The following ACAD9 variants were observed in gnomAD, a reference collection of about 807,000 sequenced individuals.
ACAD9 encodes the protein complex I assembly factor ACAD9, mitochondrial.
In ACAD9, 53 loss-of-function variants were observed where a neutral mutation model predicts 70.2. That is an observed-to-expected ratio of 0.75 (90% CI 0.61 to 0.95). ACAD9 has a LOEUF of 0.95. ACAD9 is among the 40% of genes least tolerant of loss of function. The probability of loss-of-function intolerance (pLI) is 0.00; values close to 1 mark genes in which losing one functional copy is unlikely to be tolerated. For synonymous variants in ACAD9, 313 were observed against 312.1 expected, an observed-to-expected ratio of 1.00 and a Z score of -0.03; for missense variants, 777 against 802.8, an observed-to-expected ratio of 0.97 and a Z score of 0.39.
intron 2 of ACAD9, among the ~76,000 whole-genome samples, chr3:128,886,436 C>T (rs1322469950): frequency 6.6e-6 from 1 of 151,168 alleles, no homozygotes; most frequent in African/African-American, 2.4e-5. Context: ...AGGCCAGGCG[C>T]GGTGGCTCAC....
chr3:128,879,671 G>A lies in ACAD9; in HGVS notation c.-21G>A, dbSNP rs770961168. On this transcript the variant is annotated 5_prime_UTR_variant, in exon 1 of 18. Transcript: ENST00000308982. ...GCTAAGAAGGGGAGACTGAGGCTGAGGCTGGGGAACATCGGGCAGCATGAG... is the reference window on the plus strand; with the variant it reads ...GCTAAGAAGGGGAGACTGAGGCTGAAGCTGGGGAACATCGGGCAGCATGAG... The A allele has an allele frequency of 6.2e-7, 1 of 1,611,976 alleles. No individual in the cohort carries two copies. Among genetic ancestry groups the A allele is most frequent in the African/African-American group, 1.3e-5 (1 of 74,998 alleles).
chr3:128,887,065 A>G (rs552163090), intron 2 of ACAD9, among the ~76,000 whole-genome samples: 65 of 150,764 alleles, frequency 4.3e-4, no homozygotes, highest in African/African-American at 1.5e-3. Flanking sequence ...AGCTGGAATT[A>G]TAGCACGCAC....
At chr3:128,911,777 A>T (rs960602121) in intron 17 of ACAD9, among the ~76,000 whole-genome samples, 1 of 152,214 alleles carries the variant, frequency 6.6e-6, no homozygotes, top group African/African-American at 2.4e-5. Flanking sequence ...GGGAAGGCTC[A>T]CGAAGGGAGG....
At chr3:128,903,526 G>C (rs927058654) in intron 9 of ACAD9, among the ~76,000 whole-genome samples, 3 of 152,168 alleles carry the variant, frequency 2.0e-5, no homozygotes, top group African/African-American at 7.2e-5. Flanking sequence ...CGGGGCGGGG[G>C]TGCTTCTGCC....
At chr3:128,910,253 G>A (rs776597338) in intron 16 of ACAD9, 104 bp downstream of exon 16, 175 of 1,567,992 alleles carry the variant, frequency 1.1e-4, no homozygotes, top group Non-Finnish European at 1.5e-4. Context: ...TGTGGGGGAG[G>A]CTGTGCAGGT....
chr3:128,913,111 G>A lies in ACAD9; in HGVS notation c.*504G>A, dbSNP rs549991044. 1.7e-4 allele frequency: 76 copies of A among 448,382 alleles called. No individual in the cohort carries two copies. The highest frequency in any genetic ancestry group is 7.0e-4 in the Middle Eastern group (1 of 1,422). The allele number at this position is 448,382 out of a possible 1,614,324, so 27.8% of individuals were successfully genotyped here. On this transcript the variant is annotated 3_prime_UTR_variant, in exon 18 of 18. Transcript: ENST00000308982. ...TATAAAATGTCACAATCTGTGTACT[G>A]TTAGCCTTTGCTGTACTTGTCACAC...
At chr3:128,895,199 A>G (rs1349283323) in intron 3 of ACAD9, 111 bp from the exon 4 acceptor site, 1 of 827,548 alleles carries the variant, frequency 1.2e-6, no homozygotes. Flanking sequence ...TTTTTTTTTA[A>G]TATGGTGATC....
At chr3:128,894,164 CAT>C (rs939480847) in intron 3 of ACAD9, among the ~76,000 whole-genome samples, 1 of 152,160 alleles carries the variant, frequency 6.6e-6, no homozygotes, top group Non-Finnish European at 1.5e-5. Context: ...ACATGTGTGC[CAT>C]TTGTGTTTAC....
chr3:128,885,730 T>TG (rs1935225385), intron 2 of ACAD9, among the ~76,000 whole-genome samples: 2 of 149,974 alleles, frequency 1.3e-5, no homozygotes, highest in Admixed American at 6.7e-5. Flanking sequence ...TAAAATATAC[T>TG]GTGGGGCTGG....
intron 3 of ACAD9, 43 bp downstream of exon 3, chr3:128,893,699 A>T (rs753866503): frequency 6.6e-7 from 1 of 1,519,960 alleles, no homozygotes; most frequent in African/African-American, 1.4e-5. Flanking sequence ...AGCTCTTAAG[A>T]AAGCACTCTG....
chr3:128,898,335 GT>G (rs369314116), intron 6 of ACAD9: 15 of 425,722 alleles, frequency 3.5e-5, no homozygotes, highest in East Asian at 1.5e-4. Context: ...AAAGACAGGA[GT>G]TTTTTTTGTT....
chr3:128,890,338 G>C (rs1450585809), intron 2 of ACAD9, among the ~76,000 whole-genome samples: 1 of 151,988 alleles, frequency 6.6e-6, no homozygotes, highest in Non-Finnish European at 1.5e-5. Context: ...TGCCCGACTC[G>C]GCCTCCCATA....
At chr3:128,895,630 T>G (rs1394638358) in intron 4 of ACAD9, among the ~76,000 whole-genome samples, 1 of 152,190 alleles carries the variant, frequency 6.6e-6, no homozygotes, top group African/African-American at 2.4e-5. Flanking sequence ...TGTCCCTTCC[T>G]TCTGAATCCA....
chr3:128,908,216 C>A lies in ACAD9; in HGVS notation c.1310C>A (p.Ala437Asp). Residue 437 changes from alanine (A) to aspartate (D), a missense_variant, in exon 13 of 18, where the codon GCC becomes GAC. Coordinates refer to ENST00000308982, the MANE Select transcript of ACAD9 (RefSeq NM_014049.5). Reference sequence around the variant, plus strand: ...AATGAGATTCTCCGGATGTACATCGCCCTGACGGGTCTGCAGCATGCCGGC... The same window carrying A: ...AATGAGATTCTCCGGATGTACATCGACCTGACGGGTCTGCAGCATGCCGGC... ...GTNEILRMYI[A>D]LTGLQHAGRI... 1 of 1,614,190 alleles carries A rather than the reference C, an allele frequency of 6.2e-7. No individual in the cohort carries two copies. Among genetic ancestry groups the A allele is most frequent in the Non-Finnish European group, 8.5e-7 (1 of 1,180,028 alleles).
At chr3:128,911,840 C>G (rs1936363275) in intron 17 of ACAD9, among the ~76,000 whole-genome samples, 1 of 152,256 alleles carries the variant, frequency 6.6e-6, no homozygotes, top group Admixed American at 6.5e-5. Context: ...CCCCTTTACC[C>G]ACTGTACTCC....
At chr3:128,885,397 A>C (rs905906740) in intron 2 of ACAD9, among the ~76,000 whole-genome samples, 6 of 151,906 alleles carry the variant, frequency 3.9e-5, no homozygotes, top group African/African-American at 1.5e-4. Flanking sequence ...TTTTTATTTT[A>C]CTTTATTTTT....
intron 3 of ACAD9, among the ~76,000 whole-genome samples, 193 bp downstream of exon 3, chr3:128,893,849 T>G (rs546065319): frequency 6.6e-6 from 1 of 152,204 alleles, no homozygotes; most frequent in East Asian, 1.9e-4. Context: ...CACAGAGGAA[T>G]GAGGCATGTG....
At position 128,910,723 on chromosome 3, in the gene ACAD9, T is replaced by G. The variant is rs1038995992; in HGVS notation, c.1693-18T>G. The G allele has an allele frequency of 6.2e-7, 1 of 1,614,160 alleles. No individual in the cohort carries two copies. Among genetic ancestry groups the G allele is most frequent in the Non-Finnish European group, 8.5e-7 (1 of 1,179,968 alleles). On this transcript the variant is annotated intron_variant, in intron 16 of 17. Coordinates refer to ENST00000308982, the MANE Select transcript of ACAD9 (RefSeq NM_014049.5). ...TCCAGGAATTTGGGCATATCTTTTC[T>G]GTCCTCGGTTCTGGCAGGTTCTCTT... is the stretch of plus-strand genomic sequence containing the variant.
At chr3:128,909,945 G>A (rs1936079667) in intron 15 of ACAD9, 76 bp from the exon 16 acceptor site, 2 of 1,586,328 alleles carry the variant, frequency 1.3e-6, no homozygotes, top group Admixed American at 3.7e-5. Context: ...GACAGGCAAA[G>A]ATGCAGCCCA....
Sources: allele counts gnomAD v4.1 joint callset (sites outside exome capture counted in the v4.1 genomes callset), GRCh38; gene constraint gnomAD v4.1.1; transcripts MANE v1.5; gene names NCBI Gene and HGNC (gene_info 2026-07-23, HGNC 2026-07-21).